PARD3B: variants seen among roughly 807,000 people sequenced by gnomAD.
PARD3B encodes the protein par-3 family cell polarity regulator beta.
PARD3B carries 103 observed loss-of-function variants against 130.2 expected under a neutral mutation model. The ratio of observed to expected loss-of-function variants is 0.79; its 90% CI spans 0.67 to 0.93. The LOEUF is 0.93. Ranked by LOEUF, PARD3B falls within the 40% of genes least tolerant of loss-of-function variation. The pLI is 0.00. For missense variants in PARD3B, 1,609 were observed against 1,499.2 expected, an observed-to-expected ratio of 1.07 and a Z score of -1.21; for synonymous variants, 583 against 553.2, an observed-to-expected ratio of 1.05 and a Z score of -0.76.
intron 3 of PARD3B, among the ~76,000 whole-genome samples, chr2:204,989,466 A>AT (rs1337642568): frequency 2.0e-5 from 3 of 152,106 alleles, no homozygotes; most frequent in Non-Finnish European, 2.9e-5. Context: ...AGTTTTCTAA[A>AT]ACTGTGGTAT....
At chr2:205,059,731 G>A (rs1015639067) in intron 4 of PARD3B, among the ~76,000 whole-genome samples, 3 of 151,912 alleles carry the variant, frequency 2.0e-5, no homozygotes, top group Non-Finnish European at 2.9e-5. Flanking sequence ...AAGGAATGGG[G>A]GAATTTTCTA....
chr2:205,615,633 G>A lies in PARD3B; in HGVS notation c.3438G>A (p.Pro1146=), dbSNP rs780484580. The change falls in exon 23 of 23, where the codon CCG becomes CCA. Residue 1146 remains proline (P), a synonymous_variant. Coordinates refer to ENST00000406610, the MANE Select transcript of PARD3B (RefSeq NM_001302769.2). ...DLRYPQHYPP[P]PAPQHKGPFR... ...GGTATCCTCAGCACTACCCACCCCCGCCAGCTCCCCAGCACAAAGGACCCT... is the reference window on the plus strand; with the variant it reads ...GGTATCCTCAGCACTACCCACCCCCACCAGCTCCCCAGCACAAAGGACCCT... 7.1e-6 allele frequency: 11 copies of A among 1,555,944 alleles called. No individual in the cohort carries two copies. Among genetic ancestry groups the A allele is most frequent in the Non-Finnish European group, 8.9e-6 (10 of 1,129,650 alleles).
Position 205,277,858 on chromosome 2 carries a change from C to G in PARD3B, c.2186-22672C>G, listed in dbSNP as rs143969459. Among the ~76,000 whole-genome samples, 522 of 152,080 alleles carry G rather than the reference C, an allele frequency of 3.4e-3. 1 individual carries two copies. The highest frequency in any genetic ancestry group is 6.7e-3 in the Non-Finnish European group (453 of 67,988). On this transcript the variant is annotated intron_variant, in intron 16 of 22. Coordinates refer to ENST00000406610, the MANE Select transcript of PARD3B (RefSeq NM_001302769.2). ...TACAGGAGTAATTTGACCAGACAATCAAAAATCCTGGAAACAGATGCCCAG... is the reference window on the plus strand; with the variant it reads ...TACAGGAGTAATTTGACCAGACAATGAAAAATCCTGGAAACAGATGCCCAG...
intron 14 of PARD3B, among the ~76,000 whole-genome samples, chr2:205,188,914 G>C (rs1238236362): frequency 1.3e-5 from 2 of 152,020 alleles, no homozygotes; most frequent in Non-Finnish European, 2.9e-5. Flanking sequence ...CAAACTTAAT[G>C]CCTGTACAAA....
In PARD3B at chr2:204,703,623, C is replaced by T. The variant is rs1559072708; in HGVS notation, c.222+17341C>T. On this transcript the variant is annotated intron_variant, in intron 2 of 22. Transcript: ENST00000406610. ...GATTTCAAGCTGTGTAATTATGAAA[C>T]CCATATAGGTTAAAAGTTCAGAACT... Among the ~76,000 whole-genome samples, 4 of 152,020 alleles carry T rather than the reference C, an allele frequency of 2.6e-5. No homozygotes were observed. In the East Asian group the frequency reaches 7.7e-4, roughly 29 times the overall value.
intron 2 of PARD3B, among the ~76,000 whole-genome samples, chr2:204,846,008 A>G (rs1202192488): frequency 6.6e-6 from 1 of 152,122 alleles, no homozygotes; most frequent in Non-Finnish European, 1.5e-5. Flanking sequence ...AGAATAATTA[A>G]TGGTCAAAGG....
At chr2:205,249,006 GTTTTTTTTTTT>G (rs10707308) in intron 16 of PARD3B, among the ~76,000 whole-genome samples, 2 of 95,084 alleles carry the variant, frequency 2.1e-5, no homozygotes, top group Admixed American at 2.3e-4. Context: ...TAAAATAAGA[GTTTTTTTTTTT>G]TTTTTTTTTT....
chr2:204,596,966 A>G (rs1392174263), intron 1 of PARD3B, among the ~76,000 whole-genome samples: 1 of 151,176 alleles, frequency 6.6e-6, no homozygotes, highest in African/African-American at 2.4e-5. Flanking sequence ...CTCTCTCTAT[A>G]TATATATTAT....
intron 1 of PARD3B, among the ~76,000 whole-genome samples, chr2:204,564,764 A>G (rs1472039153): frequency 6.6e-6 from 1 of 152,216 alleles, no homozygotes; most frequent in African/African-American, 2.4e-5. Context: ...ATTTAAATAT[A>G]TGAAGAAAAT....
At chr2:204,707,733 G>T (rs763806096) in intron 2 of PARD3B, among the ~76,000 whole-genome samples, 2 of 152,140 alleles carry the variant, frequency 1.3e-5, no homozygotes, top group Non-Finnish European at 2.9e-5. Flanking sequence ...GGAGATTTGT[G>T]TTCGTTGACT....
At chr2:205,255,274 C>T (rs1209588279) in intron 16 of PARD3B, among the ~76,000 whole-genome samples, 1 of 152,164 alleles carries the variant, frequency 6.6e-6, no homozygotes, top group Non-Finnish European at 1.5e-5. Context: ...ACTCACACTT[C>T]TGCTCCAGAG....
intron 14 of PARD3B, among the ~76,000 whole-genome samples, chr2:205,192,551 AG>A (rs1297501251): frequency 6.6e-6 from 1 of 152,228 alleles, no homozygotes; most frequent in Non-Finnish European, 1.5e-5. Flanking sequence ...ATTCAGCAGA[AG>A]GAAAGTTATT....
chr2:204,914,688 T>A (rs750374396), intron 2 of PARD3B, among the ~76,000 whole-genome samples: 1 of 152,060 alleles, frequency 6.6e-6, no homozygotes, highest in Non-Finnish European at 1.5e-5. Flanking sequence ...AGGAAACATG[T>A]CCTGGTGGTG....
chr2:204,604,603 AGCAC>A (rs1332908697), intron 1 of PARD3B, among the ~76,000 whole-genome samples: 13 of 152,294 alleles, frequency 8.5e-5, no homozygotes, highest in African/African-American at 2.9e-4. Flanking sequence ...TAATGTAAGA[AGCAC>A]CTGCATGGTA....
intron 21 of PARD3B, among the ~76,000 whole-genome samples, chr2:205,532,517 G>A (rs1465596225): frequency 1.3e-5 from 2 of 152,154 alleles, no homozygotes; most frequent in African/African-American, 2.4e-5. Context: ...TGCTGGAGTG[G>A]CAAAACACTG....
intron 1 of PARD3B, among the ~76,000 whole-genome samples, chr2:204,583,920 A>G (rs557438180): frequency 6.6e-6 from 1 of 152,372 alleles, no homozygotes; most frequent in East Asian, 1.9e-4. Context: ...CTCCCACTGC[A>G]GCTTGCTGCT....
intron 2 of PARD3B, among the ~76,000 whole-genome samples, chr2:204,765,039 T>A (rs2041083736): frequency 6.6e-6 from 1 of 152,170 alleles, no homozygotes; most frequent in South Asian, 2.1e-4. Context: ...AGAAAATAGT[T>A]AAATGGAGAT....
chr2:204,605,883 G>A (rs2033704657), intron 1 of PARD3B, among the ~76,000 whole-genome samples: 1 of 152,104 alleles, frequency 6.6e-6, no homozygotes. Context: ...GTTGTACCTT[G>A]TATTTTCAGT....
chr2:204,745,725 C>A (rs1478626646), intron 2 of PARD3B, among the ~76,000 whole-genome samples: 3 of 151,906 alleles, frequency 2.0e-5, no homozygotes, highest in Non-Finnish European at 4.4e-5. Context: ...TTCATTACAC[C>A]CAGAAGGTTG....
Sources: allele counts gnomAD v4.1 joint callset (sites outside exome capture counted in the v4.1 genomes callset), GRCh38; gene constraint gnomAD v4.1.1; transcripts MANE v1.5; gene names NCBI Gene and HGNC (gene_info 2026-07-23, HGNC 2026-07-21).